UBR2: variants seen among roughly 807,000 people sequenced by gnomAD.
The protein encoded by UBR2 is ubiquitin protein ligase E3 component n-recognin 2.
UBR2 carries 92 observed loss-of-function variants against 247.9 expected under a neutral mutation model. The observed-to-expected ratio is 0.37, with a 90% confidence interval of 0.31 to 0.44. UBR2 has a LOEUF of 0.44. UBR2 is among the 20% of genes least tolerant of loss of function. UBR2 has a pLI of 1.00. For synonymous variants in UBR2, 672 were observed against 693.5 expected, an observed-to-expected ratio of 0.97 and a Z score of 0.49; for missense variants, 1,613 against 2,112.6, an observed-to-expected ratio of 0.76 and a Z score of 4.64.
At chr6:42,584,576 G>A (rs1214008164) in intron 2 of UBR2, among the ~76,000 whole-genome samples, 4 of 152,042 alleles carry the variant, frequency 2.6e-5, no homozygotes, top group African/African-American at 9.7e-5. Flanking sequence ...TTAAGATTAG[G>A]ATTGCATTGA....
chr6:42,614,421 TAC>T (rs1191768564), intron 8 of UBR2, among the ~76,000 whole-genome samples: 6 of 77,066 alleles, frequency 7.8e-5, no homozygotes, highest in African/African-American at 2.4e-4. Context: ...TGTACGTACG[TAC>T]ATATATATGT....
chr6:42,639,144 T>G (rs1796277631), intron 15 of UBR2, among the ~76,000 whole-genome samples: 1 of 152,224 alleles, frequency 6.6e-6, no homozygotes, highest in Admixed American at 6.5e-5. Context: ...AATGGAGCAG[T>G]AAATGTTGAG....
intron 44 of UBR2, among the ~76,000 whole-genome samples, chr6:42,687,883 T>C (rs570444868): frequency 3.3e-4 from 49 of 150,078 alleles, no homozygotes; most frequent in Non-Finnish European, 6.6e-4. Context: ...TTTATCTGTA[T>C]TGACGTTTAT....
At chr6:42,582,498 G>C (rs1166647538) in intron 2 of UBR2, among the ~76,000 whole-genome samples, 1 of 151,878 alleles carries the variant, frequency 6.6e-6, no homozygotes, top group East Asian at 1.9e-4. Flanking sequence ...TGGGTAAAAG[G>C]GCAGGTATAT....
rs542769514 is a variant in UBR2, at chr6:42,686,850, G to T, written c.4854-1366G>T. 5.9e-4 allele frequency among the ~76,000 whole-genome samples: 89 copies of T among 151,894 alleles called. No homozygotes were observed. In the South Asian group the frequency reaches 8.9e-3, roughly 15 times the overall value. On this transcript the variant is annotated intron_variant, in intron 44 of 46. Transcript: ENST00000372901. ...GAGGGGCTCCTCACTTCTCAGACGGGGCAGCCGGTCGGAGACACTCCTCAC... is the reference window on the plus strand; with the variant it reads ...GAGGGGCTCCTCACTTCTCAGACGGTGCAGCCGGTCGGAGACACTCCTCAC...
intron 32 of UBR2, among the ~76,000 whole-genome samples, chr6:42,664,854 GC>G (rs1395853022): frequency 1.3e-5 from 2 of 152,152 alleles, no homozygotes; most frequent in Non-Finnish European, 2.9e-5. Context: ...AAGAACACAG[GC>G]TTTGGAATCT....
chr6:42,674,530 C>T (rs964494179), intron 38 of UBR2, among the ~76,000 whole-genome samples: 5 of 152,054 alleles, frequency 3.3e-5, no homozygotes, highest in African/African-American at 9.7e-5. Context: ...TTGCGAGGCT[C>T]ACCCCAGATC....
At position 42,658,027 on chromosome 6, in the gene UBR2, C is replaced by T; in HGVS notation, c.2876C>T (p.Pro959Leu). The T allele has an allele frequency of 6.2e-7, 1 of 1,612,748 alleles. No individual in the cohort carries two copies. The highest frequency in any genetic ancestry group is 8.5e-7 in the Non-Finnish European group (1 of 1,179,058). Residue 959 changes from proline to leucine, a missense_variant, in exon 27 of 47, where the codon CCT (proline) becomes CTT (leucine). By Grantham distance (98) the Pro-to-Leu change is moderately conservative (BLOSUM62 -3). Around this residue, in one of 3 missense-constraint regions of UBR2, gnomAD observed 1,524 missense variants for 1,967.3 expected, o/e 0.77. Coordinates refer to ENST00000372901, the MANE Select transcript of UBR2 (RefSeq NM_001363705.2). ...TFTFTQKISKPGEAPKNSPSI... is the reference protein window; with the variant it reads ...TFTFTQKISKLGEAPKNSPSI... ...GCCTTTTATTTTTCTGCCGTAGAAC[C>T]TGGTGAAGCGCCAAAAAATTCTCCT...
At position 42,688,389 on chromosome 6, in the gene UBR2, A is replaced by G; in HGVS notation, c.5024+3A>G. 1 of 1,612,546 alleles carries G rather than the reference A, an allele frequency of 6.2e-7. No individual in the cohort carries two copies. Among genetic ancestry groups the G allele is most frequent in the Non-Finnish European group, 8.5e-7 (1 of 1,179,856 alleles). On this transcript the variant is annotated splice_donor_region_variant and intron_variant, in intron 45 of 46. Coordinates refer to ENST00000372901, the MANE Select transcript of UBR2 (RefSeq NM_001363705.2). Reference sequence around the variant, plus strand: ...TCTGGAGTGGGCATCTTCCTGAGGTAAGGACCTGCAGGGGCTTTTTAGCTT... The same window carrying G: ...TCTGGAGTGGGCATCTTCCTGAGGTGAGGACCTGCAGGGGCTTTTTAGCTT...
intron 13 of UBR2, among the ~76,000 whole-genome samples, chr6:42,633,351 G>A (rs963355793): frequency 1.3e-5 from 2 of 151,916 alleles, no homozygotes; most frequent in Non-Finnish European, 2.9e-5. Context: ...CAAACATTCC[G>A]GCATCTACTG....
At chr6:42,564,721 C>G (rs1389270428) in intron 1 of UBR2, among the ~76,000 whole-genome samples, 1 of 152,220 alleles carries the variant, frequency 6.6e-6, no homozygotes, top group Non-Finnish European at 1.5e-5. Context: ...CCCTTTATAT[C>G]AGCTCTTGGA....
chr6:42,599,174 T>A (rs1005786621), intron 4 of UBR2, among the ~76,000 whole-genome samples: 5 of 152,222 alleles, frequency 3.3e-5, no homozygotes, highest in Admixed American at 2.6e-4. Flanking sequence ...GAAATTTCAC[T>A]CACAAATGCT....
At chr6:42,613,829 A>AT (rs201592299) in intron 8 of UBR2, among the ~76,000 whole-genome samples, 15 of 147,634 alleles carry the variant, frequency 1.0e-4, no homozygotes, top group East Asian at 3.9e-4. Context: ...AAGTTATTCC[A>AT]TTTTTTTTTT....
intron 38 of UBR2, among the ~76,000 whole-genome samples, chr6:42,675,793 C>G (rs967024818): frequency 1.3e-5 from 2 of 152,052 alleles, no homozygotes; most frequent in Non-Finnish European, 2.9e-5. Context: ...AACCTCATCT[C>G]TACTAAAAAT....
At chr6:42,600,998 A>G (rs1479634143) in intron 4 of UBR2, among the ~76,000 whole-genome samples, 1 of 152,202 alleles carries the variant, frequency 6.6e-6, no homozygotes, top group Non-Finnish European at 1.5e-5. Context: ...CAAATAGGAC[A>G]TCTCTACCAT....
At chr6:42,604,025 A>G (rs907604183) in intron 5 of UBR2, among the ~76,000 whole-genome samples, 1 of 152,118 alleles carries the variant, frequency 6.6e-6, no homozygotes, top group Non-Finnish European at 1.5e-5. Context: ...TTACAACTTC[A>G]CTTTTTGTTT....
At chr6:42,664,625 A>C (rs1407037414) in intron 32 of UBR2, among the ~76,000 whole-genome samples, 3 of 152,212 alleles carry the variant, frequency 2.0e-5, no homozygotes, top group Non-Finnish European at 4.4e-5. Context: ...AGTAGATTTG[A>C]GTGTAAGCTC....
chr6:42,641,541 G>GT (rs548669639), intron 16 of UBR2, 41 bp from the exon 17 acceptor site: 348 of 1,482,594 alleles, frequency 2.3e-4, no homozygotes, highest in African/African-American at 1.8e-3. Flanking sequence ...TTATGTGTGT[G>GT]TTTTTTTTGT....
At chr6:42,669,853 T>C (rs1222513058) in intron 34 of UBR2, among the ~76,000 whole-genome samples, 2 of 152,220 alleles carry the variant, frequency 1.3e-5, no homozygotes, top group Non-Finnish European at 2.9e-5. Context: ...CATTGTGTAG[T>C]GTGTAGGCTT....
Sources: allele counts gnomAD v4.1 joint callset (sites outside exome capture counted in the v4.1 genomes callset), GRCh38; gene constraint gnomAD v4.1.1; regional missense constraint gnomAD v4.1.1; transcripts MANE v1.5; gene names NCBI Gene and HGNC (gene_info 2026-07-23, HGNC 2026-07-21).